The following ZBTB44 variants were observed in gnomAD, a reference collection of about 807,000 sequenced individuals.
ZBTB44 encodes the protein zinc finger and BTB domain containing 44, also known as zinc finger and BTB domain-containing protein 44.
A neutral mutation model predicts 54.0 loss-of-function variants in ZBTB44; 15 were observed. The observed-to-expected ratio is 0.28, with a 90% CI of 0.19 to 0.43. The LOEUF (loss-of-function observed/expected upper bound fraction) is 0.43. Ranked by LOEUF, ZBTB44 falls within the 20% of genes least tolerant of loss-of-function variation. The probability of loss-of-function intolerance (pLI) is 1.00; values close to 1 mark genes in which losing one functional copy is unlikely to be tolerated. For missense variants in ZBTB44, 487 were observed against 707.1 expected (o/e 0.69, Z 3.53); for synonymous variants, 230 against 250.1 (o/e 0.92, Z 0.76).
intron 7 of ZBTB44, 87 bp downstream of exon 7, chr11:130,233,221 G>A (rs1245639651): frequency 6.8e-7 from 1 of 1,480,340 alleles, no homozygotes; most frequent in Non-Finnish European, 9.1e-7. Flanking sequence ...GACACAGTCA[G>A]GCATTACATT....
At chr11:130,295,843 C>A in intron 1 of ZBTB44, 1 of 1,396,030 alleles carries the variant, frequency 7.2e-7, no homozygotes, top group East Asian at 2.3e-5. Context: ...ATTAGCCATG[C>A]AAATTTTTGG....
At chr11:130,282,962 A>C (rs1247073301) in intron 1 of ZBTB44, among the ~76,000 whole-genome samples, 1 of 151,318 alleles carries the variant, frequency 6.6e-6, no homozygotes, top group Non-Finnish European at 1.5e-5. Context: ...ACAGGTCCCC[A>C]CCACTGTGAC....
chr11:130,276,548 C>T (rs1940118882), intron 1 of ZBTB44, among the ~76,000 whole-genome samples: 1 of 151,602 alleles, frequency 6.6e-6, no homozygotes, highest in Non-Finnish European at 1.5e-5. Context: ...GATTCTCTTG[C>T]TTCAGCCTCT....
chr11:130,295,773 A>T, intron 1 of ZBTB44: 9 of 1,469,288 alleles, frequency 6.1e-6, no homozygotes, highest in Non-Finnish European at 7.6e-6. Context: ...AGTAGAACTC[A>T]TTGTTAAAAT....
chr11:130,275,772 C>T (rs1203087885), intron 1 of ZBTB44, among the ~76,000 whole-genome samples: 6 of 152,070 alleles, frequency 3.9e-5, no homozygotes, highest in African/African-American at 9.7e-5. Flanking sequence ...GGAGTACAGG[C>T]GCGTGCCAGC....
intron 1 of ZBTB44, among the ~76,000 whole-genome samples, chr11:130,265,813 G>T (rs959878024): frequency 6.6e-6 from 1 of 152,190 alleles, no homozygotes; most frequent in Non-Finnish European, 1.5e-5. Flanking sequence ...TGAGGAAGCT[G>T]CAGAAGAAAA....
At chr11:130,307,139 T>G (rs886777761) in intron 1 of ZBTB44, among the ~76,000 whole-genome samples, 14 of 151,726 alleles carry the variant, frequency 9.2e-5, no homozygotes, top group African/African-American at 3.1e-4. Context: ...AACATTCTAC[T>G]GTAGCCCGGG....
intron 2 of ZBTB44, among the ~76,000 whole-genome samples, chr11:130,256,753 T>C (rs1366819541): frequency 6.6e-6 from 1 of 152,056 alleles, no homozygotes; most frequent in Non-Finnish European, 1.5e-5. Context: ...TATCTCAAAA[T>C]ATTAAGAGCT....
intron 1 of ZBTB44, among the ~76,000 whole-genome samples, chr11:130,299,423 C>T (rs1418689657): frequency 1.3e-5 from 2 of 151,780 alleles, no homozygotes; most frequent in East Asian, 1.9e-4. Flanking sequence ...CATAGTGGCA[C>T]GCACCTGTAA....
intron 5 of ZBTB44, chr11:130,236,315 C>T (rs1273858404): frequency 1.7e-6 from 2 of 1,168,088 alleles, no homozygotes; most frequent in African/African-American, 1.6e-5. Context: ...TAAACCATCA[C>T]ACCCACTATA....
At chr11:130,287,332 T>C (rs572741170) in intron 1 of ZBTB44, among the ~76,000 whole-genome samples, 7 of 152,220 alleles carry the variant, frequency 4.6e-5, no homozygotes, top group Non-Finnish European at 8.8e-5. Context: ...ATCAAAGTCA[T>C]TTCTCAGAGC....
Position 130,260,836 on chromosome 11 carries a change from A to G in ZBTB44, c.1018+20T>C. The stretch of plus-strand genomic sequence containing the variant: ...TGAATTGACTTTATAGCACCAAGAA[A>G]AACACAGAAGGCATTATACCTATAG... On this transcript the variant is annotated intron_variant, in intron 2 of 7. Coordinates refer to ENST00000357899, the MANE Select transcript of ZBTB44 (RefSeq NM_001301098.2). 1 of 1,567,554 alleles carries G rather than the reference A, an allele frequency of 6.4e-7. No homozygotes were observed. Among genetic ancestry groups the G allele is most frequent in the Non-Finnish European group, 8.6e-7 (1 of 1,161,092 alleles).
At chr11:130,310,410 A>G (rs1942520699) in intron 1 of ZBTB44, 1 of 151,974 alleles carries the variant, frequency 6.6e-6, no homozygotes, top group African/African-American at 2.4e-5. Context: ...GCTTATCAGT[A>G]GTAGGATCAC....
chr11:130,314,550 C>A lies in ZBTB44; in HGVS notation c.-232G>T, dbSNP rs1200347858. On this transcript the variant is annotated 5_prime_UTR_variant, in exon 1 of 8. Transcript: ENST00000357899. The stretch of plus-strand genomic sequence containing the variant: ...CCTATCTCGGGCCGCCGCGCCTAGG[C>A]CCGTGAGCAGCCTGTGGTGGGGCAT... 7.2e-6 allele frequency: 1 copy of A among 138,862 alleles called. No individual in the cohort carries two copies. Among genetic ancestry groups the A allele is most frequent in the Non-Finnish European group, 1.6e-5 (1 of 64,174 alleles). The allele number at this position is 138,862 out of a possible 1,614,324, so 8.6% of individuals were successfully genotyped here. A position where few individuals can be genotyped will look rare whatever the true frequency, so the allele number is the denominator to read the frequency against.
chr11:130,242,924 G>GTC (rs1193318262), intron 2 of ZBTB44, among the ~76,000 whole-genome samples: 1 of 152,104 alleles, frequency 6.6e-6, no homozygotes, highest in Non-Finnish European at 1.5e-5. Flanking sequence ...CCACCACTGT[G>GTC]TCTCTCTCTG....
intron 2 of ZBTB44, among the ~76,000 whole-genome samples, chr11:130,240,474 C>T (rs1338225147): frequency 6.6e-6 from 1 of 152,084 alleles, no homozygotes; most frequent in African/African-American, 2.4e-5. Context: ...AATTCAAAAG[C>T]GAACAAAAAT....
intron 1 of ZBTB44, among the ~76,000 whole-genome samples, chr11:130,274,626 A>T (rs1277546994): frequency 6.6e-6 from 1 of 152,228 alleles, no homozygotes; most frequent in Non-Finnish European, 1.5e-5. Context: ...CATGTAATTT[A>T]AAAATTATTC....
chr11:130,311,242 T>TA (rs1460657482), intron 1 of ZBTB44, among the ~76,000 whole-genome samples: 1 of 151,936 alleles, frequency 6.6e-6, no homozygotes, highest in African/African-American at 2.4e-5. Flanking sequence ...GGTCTCACTC[T>TA]GTCATCCAGG....
intron 1 of ZBTB44, among the ~76,000 whole-genome samples, chr11:130,277,980 C>G (rs943448293): frequency 1.3e-5 from 2 of 152,146 alleles, no homozygotes. Context: ...AGCCATTAAT[C>G]CTACAGTGGT....
Sources: allele counts gnomAD v4.1 joint callset (sites outside exome capture counted in the v4.1 genomes callset), GRCh38; gene constraint gnomAD v4.1.1; transcripts MANE v1.5; gene names NCBI Gene and HGNC (gene_info 2026-07-23, HGNC 2026-07-21).